Variants in NTRK1 observed in about 807,000 individuals in gnomAD.
The protein encoded by NTRK1 is neurotrophic receptor tyrosine kinase 1, also known as high affinity nerve growth factor receptor.
NTRK1 carries 62 observed loss-of-function variants against 86.8 expected under a neutral mutation model. The observed-to-expected ratio is 0.71, with a 90% confidence interval of 0.58 to 0.88. The LOEUF is 0.88. Ranked by LOEUF, NTRK1 falls within the 40% of genes least tolerant of loss-of-function variation. The pLI is 0.00. For synonymous variants in NTRK1, 469 were observed against 456.6 expected (o/e 1.03, Z -0.35); for missense variants, 967 against 1,078.4 (o/e 0.90, Z 1.45).
chr1:156,851,593 G>A, intron 2 of NTRK1: 1 of 1,612,778 alleles, frequency 6.2e-7, no homozygotes, highest in Non-Finnish European at 8.5e-7. Context: ...GGTTGTGTCT[G>A]GGAGGAAGGG....
At position 156,819,249 on chromosome 1, in the gene NTRK1, C is replaced by A. The variant is rs544999749; in HGVS notation, c.-64+3411C>A. ...TCTCGAACTCCTGACCTCAGGTGAT[C>A]CCCCTGCCTCAGGCTCCCAAAGTGC... On this transcript the variant is annotated intron_variant, in intron 1 of 16. Coordinates refer to the NTRK1 transcript ENST00000392302. Among the ~76,000 whole-genome samples the A allele has an allele frequency of 2.0e-5, 3 of 152,246 alleles. No homozygotes were observed. The South Asian group carries it at 6.2e-4, about 32-fold the overall frequency.
At chr1:156,877,259 A>AT (rs1385185457) in intron 14 of NTRK1, among the ~76,000 whole-genome samples, 2 of 152,184 alleles carry the variant, frequency 1.3e-5, no homozygotes, top group Non-Finnish European at 2.9e-5. Context: ...ATATGTATTT[A>AT]TTTTTTATGG....
At chr1:156,867,972 CAGAG>C (rs1455071753) in intron 4 of NTRK1, 128 bp from the exon 5 acceptor site, 3 of 1,006,798 alleles carry the variant, frequency 3.0e-6, no homozygotes, top group Admixed American at 1.8e-5. Context: ...TTACTGGAGT[CAGAG>C]AGAAAGACCT....
intron 1 of NTRK1, among the ~76,000 whole-genome samples, chr1:156,831,194 A>T (rs1654460653): frequency 6.6e-6 from 1 of 152,156 alleles, no homozygotes; most frequent in African/African-American, 2.4e-5. Context: ...TTAAGAAGTC[A>T]TGGGTGGAGA....
chr1:156,854,639 A>G lies in NTRK1; in HGVS notation c.51-9715A>G, dbSNP rs1655346582. Among the ~76,000 whole-genome samples, 1 of 152,124 alleles carries G rather than the reference A, an allele frequency of 6.6e-6. No individual in the cohort carries two copies. Among genetic ancestry groups the G allele is most frequent in the Non-Finnish European group, 1.5e-5 (1 of 68,018 alleles). On this transcript the variant is annotated intron_variant, in intron 2 of 16. Coordinates refer to the NTRK1 transcript ENST00000392302. The surrounding 1 kb of genome is among the most constrained non-coding windows in gnomAD (Gnocchi z 4.2). ...CGACTTCATTCTTGCAGTCACCCTTAACACCTTTCTTTTTCACCTTGTACG... is the reference window on the plus strand; with the variant it reads ...CGACTTCATTCTTGCAGTCACCCTTGACACCTTTCTTTTTCACCTTGTACG...
In NTRK1 at chr1:156,851,769, C is replaced by T. The variant is rs768442846; in HGVS notation, c.50+9576C>T. On this transcript the variant is annotated intron_variant, in intron 2 of 16. Coordinates refer to the NTRK1 transcript ENST00000392302. ...TTGCACTCTTTAGGGCACAGCCCCT[C>T]GCACTTGTGGCAGAATATGCTAGCA... is the stretch of plus-strand genomic sequence containing the variant. 36 of 1,610,964 alleles carry T rather than the reference C, an allele frequency of 2.2e-5. No homozygotes were observed. In the East Asian group the frequency reaches 5.4e-4, roughly 24 times the overall value.
At chr1:156,845,195 A>C in intron 2 of NTRK1, 1 of 1,609,844 alleles carries the variant, frequency 6.2e-7, no homozygotes, top group Non-Finnish European at 8.5e-7. Flanking sequence ...GCCGCTCAGC[A>C]CCGCTCGCTC....
At chr1:156,880,850 A>G (rs1473901886) in intron 16 of NTRK1, among the ~76,000 whole-genome samples, 4 of 152,172 alleles carry the variant, frequency 2.6e-5, no homozygotes, top group Non-Finnish European at 5.9e-5. Flanking sequence ...CCCTTCTCCA[A>G]TCACTCCCTG....
At chr1:156,871,970 G>T (rs946157736) in intron 7 of NTRK1, among the ~76,000 whole-genome samples, 1 of 152,032 alleles carries the variant, frequency 6.6e-6, no homozygotes, top group African/African-American at 2.4e-5. Flanking sequence ...TTTCTTTCTG[G>T]CCCCCTGCCC....
At chr1:156,861,428 C>G (rs193006147) in intron 1 of NTRK1, among the ~76,000 whole-genome samples, 45 of 152,314 alleles carry the variant, frequency 3.0e-4, no homozygotes, top group African/African-American at 9.6e-4. Flanking sequence ...CTGAGAGAGC[C>G]TAGCCGTCTA....
intron 2 of NTRK1, among the ~76,000 whole-genome samples, chr1:156,855,242 C>T (rs912982551): frequency 2.2e-5 from 3 of 138,068 alleles, no homozygotes; most frequent in Non-Finnish European, 4.8e-5. Context: ...CTCACTCTGT[C>T]GCCCAGGCTA....
intron 2 of NTRK1, chr1:156,848,802 G>T: frequency 1.6e-6 from 2 of 1,245,790 alleles, no homozygotes; most frequent in Non-Finnish European, 2.2e-6. Context: ...ACAACTTGCG[G>T]GTCCTGGCTT....
chr1:156,858,299 A>C (rs1231559077), upstream of NTRK1, among the ~76,000 whole-genome samples: 1 of 152,196 alleles, frequency 6.6e-6, no homozygotes, highest in Non-Finnish European at 1.5e-5. Context: ...TAGGGACGGA[A>C]GATATCTACT....
upstream of NTRK1, among the ~76,000 whole-genome samples, chr1:156,856,836 G>A (rs1431672186): frequency 6.6e-6 from 1 of 152,054 alleles, no homozygotes; most frequent in Non-Finnish European, 1.5e-5. Flanking sequence ...TTCTTCACTA[G>A]GGCCCAAGCC....
chr1:156,868,391 C>T (rs1481655445), intron 5 of NTRK1, 114 bp from the exon 6 acceptor site: 9 of 1,533,900 alleles, frequency 5.9e-6, no homozygotes, highest in South Asian at 2.4e-5. Flanking sequence ...GGGGTGACAT[C>T]GCCTGGGCTC....
chr1:156,843,611 C>A, intron 2 of NTRK1: 1 of 927,388 alleles, frequency 1.1e-6, no homozygotes, highest in Non-Finnish European at 1.8e-6. Context: ...GTCAGGGTGA[C>A]TCCTGGGGAT....
At chr1:156,857,211 G>GTA (rs1655441289), upstream of NTRK1, among the ~76,000 whole-genome samples, 1 of 138,928 alleles carries the variant, frequency 7.2e-6, no homozygotes, top group Admixed American at 7.4e-5. Context: ...GTGTGTGTGT[G>GTA]TGTATGTCTG....
At chr1:156,858,045 AG>A (rs1400680738), upstream of NTRK1, among the ~76,000 whole-genome samples, 3 of 152,036 alleles carry the variant, frequency 2.0e-5, no homozygotes, top group African/African-American at 7.2e-5. Context: ...GGGCCCTAAG[AG>A]GGGGGACACA....
At chr1:156,841,506 C>G in intron 1 of NTRK1, 2 of 1,614,038 alleles carry the variant, frequency 1.2e-6, no homozygotes, top group Non-Finnish European at 1.7e-6. Flanking sequence ...GTCACAATCT[C>G]CCAGAGTACC....
Sources: gnomAD v4.1 joint callset for allele counts (sites outside exome capture counted in the v4.1 genomes callset) on GRCh38, gnomAD v4.1.1 for gene constraint, Gnocchi (gnomAD v3.1) non-coding constraint, MANE v1.5 for transcripts, NCBI Gene and HGNC (gene_info 2026-07-23, HGNC 2026-07-21) for gene names.